TRAF3: variants seen among roughly 807,000 people sequenced by gnomAD.
TRAF3 encodes TNF receptor-associated factor 3.
A neutral mutation model predicts 62.3 loss-of-function variants in TRAF3; 13 were observed. The ratio of observed to expected loss-of-function variants is 0.21; its 90% CI spans 0.14 to 0.33. The LOEUF (loss-of-function observed/expected upper bound fraction) is 0.33. TRAF3 is among the 10% of genes least tolerant of loss of function. The pLI is 1.00. For synonymous variants in TRAF3, 269 were observed against 283.4 expected, an observed-to-expected ratio of 0.95 and a Z score of 0.51; for missense variants, 440 against 741.8, an observed-to-expected ratio of 0.59 and a Z score of 4.73.
At chr14:102,859,859 G>A (rs1434293986) in intron 2 of TRAF3, among the ~76,000 whole-genome samples, 2 of 152,178 alleles carry the variant, frequency 1.3e-5, no homozygotes, top group East Asian at 1.9e-4. Context: ...GAGGAACAGG[G>A]CAAGGAAAGC....
At chr14:102,884,821 A>G (rs987045083) in intron 6 of TRAF3, among the ~76,000 whole-genome samples, 1 of 152,112 alleles carries the variant, frequency 6.6e-6, no homozygotes, top group African/African-American at 2.4e-5. Context: ...CAAAAAAAAA[A>G]AAAGAAAAAG....
chr14:102,794,084 T>G (rs925073071), intron 1 of TRAF3, among the ~76,000 whole-genome samples: 13 of 152,182 alleles, frequency 8.5e-5, no homozygotes, highest in African/African-American at 2.7e-4. Flanking sequence ...GCCTTTCTCC[T>G]AAGGTGGTTG....
chr14:102,896,793 GT>G (rs1482488099), intron 9 of TRAF3, among the ~76,000 whole-genome samples: 1 of 152,220 alleles, frequency 6.6e-6, no homozygotes, highest in Admixed American at 6.5e-5. Flanking sequence ...GCTGGGTATG[GT>G]GACTCACACC....
At chr14:102,868,231 C>T (rs550544361) in intron 2 of TRAF3, among the ~76,000 whole-genome samples, 46 of 152,150 alleles carry the variant, frequency 3.0e-4, no homozygotes, top group African/African-American at 1.1e-3. Flanking sequence ...CTTACCGTAT[C>T]GTGAGAAAGG....
At chr14:102,862,330 T>C (rs1368870996) in intron 2 of TRAF3, among the ~76,000 whole-genome samples, 1 of 150,220 alleles carries the variant, frequency 6.7e-6, no homozygotes, top group African/African-American at 2.5e-5. Context: ...TCCCAGGAGT[T>C]GGAGACTGCC....
chr14:102,886,168 T>G, intron 6 of TRAF3, 21 bp from the exon 7 acceptor site: 1 of 1,611,260 alleles, frequency 6.2e-7, no homozygotes, highest in Non-Finnish European at 8.5e-7. Context: ...TTAAAGTTGA[T>G]AGTACTTTCT....
At chr14:102,810,457 A>C (rs1899053542) in intron 1 of TRAF3, among the ~76,000 whole-genome samples, 1 of 152,164 alleles carries the variant, frequency 6.6e-6, no homozygotes, top group Non-Finnish European at 1.5e-5. Context: ...AATTAGAGTT[A>C]ATTGTGAGAA....
chr14:102,840,695 G>GT (rs1216410374), intron 2 of TRAF3, among the ~76,000 whole-genome samples: 1 of 152,064 alleles, frequency 6.6e-6, no homozygotes, highest in Non-Finnish European at 1.5e-5. Context: ...CTATTACTGA[G>GT]TTTTTTTGAC....
At chr14:102,820,406 T>G (rs1899825892) in intron 1 of TRAF3, among the ~76,000 whole-genome samples, 1 of 151,806 alleles carries the variant, frequency 6.6e-6, no homozygotes, top group African/African-American at 2.4e-5. Context: ...CACTCTGCCC[T>G]CTTAGCTGGG....
At chr14:102,838,622 G>C (rs1006484693) in intron 2 of TRAF3, among the ~76,000 whole-genome samples, 7 of 152,208 alleles carry the variant, frequency 4.6e-5, no homozygotes, top group African/African-American at 1.7e-4. Flanking sequence ...TCTTGCAGAT[G>C]AAGTGTTTGA....
chr14:102,815,625 T>C (rs1351961914), intron 1 of TRAF3, among the ~76,000 whole-genome samples: 1 of 152,220 alleles, frequency 6.6e-6, no homozygotes, highest in African/African-American at 2.4e-5. Flanking sequence ...TGTAGTTCAT[T>C]TGTTGAAGGG....
At chr14:102,880,458 A>G (rs891646472) in intron 6 of TRAF3, among the ~76,000 whole-genome samples, 1 of 152,262 alleles carries the variant, frequency 6.6e-6, no homozygotes, top group Admixed American at 6.5e-5. Flanking sequence ...TCAAAAAACA[A>G]CAGATGCTGG....
Position 102,886,971 on chromosome 14 carries a change from G to A in TRAF3, c.651+702G>A, listed in dbSNP as rs374170398. ...CAGAACCATTTTGCTCACACATGCC[G>A]GGTGGAGGACAGCTCCCACATTTTA... On this transcript the variant is annotated intron_variant, in intron 7 of 11. Coordinates refer to ENST00000392745, the MANE Select transcript of TRAF3 (RefSeq NM_145725.3). Among the ~76,000 whole-genome samples the A allele has an allele frequency of 9.8e-5, 15 of 152,288 alleles. 3 individuals carry two copies. The highest frequency in any genetic ancestry group is 6.2e-4 in the South Asian group (3 of 4,828).
chr14:102,845,111 T>A (rs1308957007), intron 2 of TRAF3, among the ~76,000 whole-genome samples: 1 of 152,048 alleles, frequency 6.6e-6, no homozygotes, highest in Non-Finnish European at 1.5e-5. Flanking sequence ...TTAACTAGGA[T>A]GGACTTAATC....
At chr14:102,779,941 GC>G (rs1445751181) in intron 1 of TRAF3, among the ~76,000 whole-genome samples, 1 of 152,222 alleles carries the variant, frequency 6.6e-6, no homozygotes, top group Non-Finnish European at 1.5e-5. Context: ...CGTGGCCAAG[GC>G]CCTTAGGGTC....
chr14:102,787,338 T>C (rs559009436), intron 1 of TRAF3, among the ~76,000 whole-genome samples: 1 of 152,358 alleles, frequency 6.6e-6, no homozygotes, highest in African/African-American at 2.4e-5. Flanking sequence ...TATATTTAAA[T>C]TCGTATTTTA....
chr14:102,859,975 A>G (rs918899452), intron 2 of TRAF3, among the ~76,000 whole-genome samples: 1 of 152,160 alleles, frequency 6.6e-6, no homozygotes, highest in Admixed American at 6.5e-5. Context: ...CCAAAGAGAA[A>G]CGCTACAGAA....
chr14:102,831,083 A>C (rs1469356514), intron 2 of TRAF3, among the ~76,000 whole-genome samples: 1 of 152,160 alleles, frequency 6.6e-6, no homozygotes, highest in Non-Finnish European at 1.5e-5. Flanking sequence ...GTGTTTTCCT[A>C]AGTATTCTCA....
intron 1 of TRAF3, among the ~76,000 whole-genome samples, chr14:102,827,361 T>C (rs567797126): frequency 6.6e-6 from 1 of 152,354 alleles, no homozygotes; most frequent in Non-Finnish European, 1.5e-5. Flanking sequence ...CTAGAAGTGT[T>C]TCAGATTCTG....
Sources: gnomAD v4.1 joint callset for allele counts (sites outside exome capture counted in the v4.1 genomes callset) on GRCh38, gnomAD v4.1.1 for gene constraint, MANE v1.5 for transcripts, NCBI Gene and HGNC (gene_info 2026-07-23, HGNC 2026-07-21) for gene names.